The following TIAM1 variants were observed in gnomAD, a reference collection of about 807,000 sequenced individuals.
The protein encoded by TIAM1 is rho guanine nucleotide exchange factor TIAM1.
Under a neutral mutation model 163.5 loss-of-function variants are expected in TIAM1, and 65 were observed. The ratio of observed to expected loss-of-function variants is 0.40; its 90% CI spans 0.33 to 0.49. The LOEUF is 0.49. Ranked by LOEUF, TIAM1 falls within the 20% of genes least tolerant of loss-of-function variation. The probability of loss-of-function intolerance (pLI) is 0.77; values close to 1 mark genes in which losing one functional copy is unlikely to be tolerated. For synonymous variants in TIAM1, 833 were observed against 810.1 expected, an observed-to-expected ratio of 1.03 and a Z score of -0.48; for missense variants, 1,789 against 2,044.7, an observed-to-expected ratio of 0.87 and a Z score of 2.41.
At chr21:31,154,502 G>C (rs1274281485) in intron 16 of TIAM1, 76 bp from the exon 17 acceptor site, 13 of 1,459,850 alleles carry the variant, frequency 8.9e-6, no homozygotes, top group Non-Finnish European at 1.2e-5. Flanking sequence ...GGACCGCCTA[G>C]AGGTGTTCTC....
chr21:31,527,934 G>C (rs996299126), intron 1 of TIAM1, among the ~76,000 whole-genome samples: 1 of 152,182 alleles, frequency 6.6e-6, no homozygotes, highest in Non-Finnish European at 1.5e-5. Flanking sequence ...AACAGGAACA[G>C]AGTGGGAGCA....
At chr21:31,242,018 TTAAA>T (rs755614164) in intron 6 of TIAM1, among the ~76,000 whole-genome samples, 4 of 151,886 alleles carry the variant, frequency 2.6e-5, no homozygotes, top group South Asian at 2.1e-4. Flanking sequence ...TCTAAAACAA[TTAAA>T]TAAAGTATGG....
At chr21:31,220,305 G>A (rs1477139157) in intron 8 of TIAM1, among the ~76,000 whole-genome samples, 1 of 152,154 alleles carries the variant, frequency 6.6e-6, no homozygotes, top group Admixed American at 6.5e-5. Flanking sequence ...TAATCACAAG[G>A]ATAAAACTGA....
chr21:31,189,460 G>A (rs933035471), intron 13 of TIAM1, among the ~76,000 whole-genome samples: 2 of 151,978 alleles, frequency 1.3e-5, no homozygotes, highest in African/African-American at 4.8e-5. Flanking sequence ...CAGACAACTG[G>A]GTAAAAAGAC....
chr21:31,478,766 CAAAG>C (rs2046015202), intron 1 of TIAM1, among the ~76,000 whole-genome samples: 1 of 152,094 alleles, frequency 6.6e-6, no homozygotes, highest in African/African-American at 2.4e-5. Flanking sequence ...TGTCAGAAGC[CAAAG>C]TGTTTCAACT....
intron 1 of TIAM1, among the ~76,000 whole-genome samples, chr21:31,340,988 A>T (rs536006554): frequency 1.3e-5 from 2 of 152,298 alleles, no homozygotes; most frequent in South Asian, 4.1e-4. Context: ...CATAATGAAG[A>T]GAGAACAAAT....
intron 2 of TIAM1, among the ~76,000 whole-genome samples, chr21:31,292,926 T>A (rs2074084547): frequency 6.6e-6 from 1 of 152,036 alleles, no homozygotes; most frequent in Admixed American, 6.6e-5. Flanking sequence ...TGACCTCAGG[T>A]GATCCACCTA....
chr21:31,361,921 TATATAC>T (rs1334475232), intron 2 of TIAM1, among the ~76,000 whole-genome samples: 1 of 152,172 alleles, frequency 6.6e-6, no homozygotes, highest in Non-Finnish European at 1.5e-5. Context: ...CATATACACA[TATATAC>T]ATATACATGC....
At position 31,247,898 on chromosome 21, in the gene TIAM1, GA is replaced by G. The variant is rs11321281; in HGVS notation, c.1412-2239del. Among the ~76,000 whole-genome samples the G allele has an allele frequency of 9.7e-3, 1,484 of 152,218 alleles. 29 individuals are homozygous for G. The highest frequency in any genetic ancestry group is 0.034 in the African/African-American group (1,398 of 41,524). On this transcript the variant is annotated intron_variant, in intron 5 of 27. Coordinates refer to ENST00000541036, the MANE Select transcript of TIAM1 (RefSeq NM_001353694.2). ...GGCTAGCACAGATTAGAGAGACAAA[GA>G]AATAACAAAAATGGGAGGGGGAAAC...
chr21:31,381,198 G>C (rs970135839), intron 2 of TIAM1, among the ~76,000 whole-genome samples: 2 of 152,074 alleles, frequency 1.3e-5, no homozygotes, highest in Non-Finnish European at 1.5e-5. Flanking sequence ...CTGTGTCCCC[G>C]CAAAATCCGT....
chr21:31,546,371 G>A (rs552554094), intron 1 of TIAM1, among the ~76,000 whole-genome samples: 2 of 151,942 alleles, frequency 1.3e-5, no homozygotes, highest in African/African-American at 2.4e-5. Flanking sequence ...CCAACATGGC[G>A]AAACCCCATG....
rs1168412012 is a variant in TIAM1 at position 31,141,075 on chromosome 21, T to A, written c.3774+43A>T. On this transcript the variant is annotated intron_variant, in intron 22 of 27. Transcript: ENST00000541036. The surrounding 1 kb of genome is among the most constrained non-coding windows in gnomAD (Gnocchi z 4.7). The stretch of plus-strand genomic sequence containing the variant: ...TAAATAAATAAAAGCAAACTCAAAC[T>A]CGGCTTTCCTGACAGATGTCCTGAG... 3 of 1,457,916 alleles carry A rather than the reference T, an allele frequency of 2.1e-6. No homozygotes were observed. The highest frequency in any genetic ancestry group is 2.8e-6 in the Non-Finnish European group (3 of 1,069,094). The allele number at this position is 1,457,916 out of a possible 1,614,324, so 90.3% of individuals were successfully genotyped here. A position where few individuals can be genotyped will look rare whatever the true frequency, so the allele number is the denominator to read the frequency against.
intron 2 of TIAM1, among the ~76,000 whole-genome samples, chr21:31,328,697 C>T (rs1204321141): frequency 1.3e-5 from 2 of 152,034 alleles, no homozygotes; most frequent in African/African-American, 4.8e-5. Context: ...TGTCCTAATG[C>T]TCTCCCTCCC....
chr21:31,389,719 T>C (rs1295175140), intron 2 of TIAM1, among the ~76,000 whole-genome samples: 1 of 152,220 alleles, frequency 6.6e-6, no homozygotes, highest in African/African-American at 2.4e-5. Flanking sequence ...TTTCAACCTC[T>C]AGAGAGAGAA....
chr21:31,265,167 G>A (rs2146809780), intron 4 of TIAM1, among the ~76,000 whole-genome samples: 1 of 149,860 alleles, frequency 6.7e-6, no homozygotes, highest in Non-Finnish European at 1.5e-5. Flanking sequence ...TAAGGTAATG[G>A]TGCCTCCATT....
chr21:31,529,120 C>G (rs894186794), intron 1 of TIAM1, among the ~76,000 whole-genome samples: 2 of 151,706 alleles, frequency 1.3e-5, no homozygotes, highest in Non-Finnish European at 2.9e-5. Flanking sequence ...GGGGTTTCAC[C>G]GTGTTAGCCA....
In TIAM1 at chr21:31,415,923, T is replaced by C. The variant is rs568635698; in HGVS notation, c.-369+48060A>G. Reference sequence around the variant, plus strand: ...ATCCTAGTTTATGACCACAGGCTCCTAACAGACATCCTGCCTTCTAGGCCT... The same window carrying C: ...ATCCTAGTTTATGACCACAGGCTCCCAACAGACATCCTGCCTTCTAGGCCT... On this transcript the variant is annotated intron_variant, in intron 2 of 28. Transcript: ENST00000286827. 2.2e-4 allele frequency among the ~76,000 whole-genome samples: 33 copies of C among 152,326 alleles called. 1 individual carries two copies. The South Asian group carries it at 6.6e-3, about 31-fold the overall frequency.
intron 1 of TIAM1, among the ~76,000 whole-genome samples, chr21:31,503,110 G>A (rs983614223): frequency 6.6e-6 from 1 of 152,036 alleles, no homozygotes; most frequent in East Asian, 1.9e-4. Context: ...AAATGGTGAA[G>A]AAGGCTGGGT....
Position 31,366,707 on chromosome 21 carries a change from C to T in TIAM1, c.-368-27285G>A, listed in dbSNP as rs1286670073. On this transcript the variant is annotated intron_variant, in intron 2 of 28. Transcript: ENST00000286827. ...TCTTGGCTCACTGCAACCTCCACAT[C>T]CCAGGTTCAAGCGATTCTCCTGCCT... 2.6e-5 allele frequency among the ~76,000 whole-genome samples: 4 copies of T among 152,274 alleles called. No individual in the cohort carries two copies. In the East Asian group the frequency reaches 7.7e-4, roughly 29 times the overall value.
Sources: allele counts gnomAD v4.1 joint callset (sites outside exome capture counted in the v4.1 genomes callset), GRCh38; gene constraint gnomAD v4.1.1; non-coding constraint Gnocchi (gnomAD v3.1); transcripts MANE v1.5; gene names NCBI Gene and HGNC (gene_info 2026-07-23, HGNC 2026-07-21).